Variants in ANO4 observed in about 807,000 individuals in gnomAD.
ANO4 encodes anoctamin 4.
Under a neutral mutation model 141.9 loss-of-function variants are expected in ANO4, and 69 were observed. That is an observed-to-expected ratio of 0.49 (90% confidence interval 0.40 to 0.59). The LOEUF (loss-of-function observed/expected upper bound fraction) is 0.59, where lower values mean the gene tolerates loss of function less well. ANO4 is among the 20% of genes least tolerant of loss of function. The pLI is 0.00. For synonymous variants in ANO4, 350 were observed against 394.3 expected (o/e 0.89, Z 1.33); for missense variants, 894 against 1,162.2 (o/e 0.77, Z 3.36).
chr12:100,845,056 A>C (rs75383435), intron 1 of ANO4, among the ~76,000 whole-genome samples: 1 of 152,192 alleles, frequency 6.6e-6, no homozygotes, highest in Non-Finnish European at 1.5e-5. Context: ...CACCATGTGA[A>C]GTTCTACTGG....
rs930303454 is a variant in ANO4 at position 101,079,106 on chromosome 12, G to T, written c.1313-87G>T. 3.7e-5 allele frequency: 42 copies of T among 1,127,546 alleles called. No homozygotes were observed. The African/African-American group carries it at 3.9e-4, about 10-fold the overall frequency. 69.8% of individuals were successfully genotyped at this position (1,127,546 alleles called of 1,614,324 possible). A position where few individuals can be genotyped will look rare whatever the true frequency, so the allele number is the denominator to read the frequency against. On this transcript the variant is annotated intron_variant, in intron 14 of 27. Transcript: ENST00000392977. ...CTTACACTAACAACTGTCATTCTTG[G>T]CAATGGCTTCATTATTCAGTGACAC... is the stretch of plus-strand genomic sequence containing the variant.
intron 1 of ANO4, among the ~76,000 whole-genome samples, chr12:100,844,322 C>A (rs2037446717): frequency 6.6e-6 from 1 of 151,942 alleles, no homozygotes; most frequent in Non-Finnish European, 1.5e-5. Flanking sequence ...TATATTCTAT[C>A]CAGTGTGGAT....
intron 17 of ANO4, among the ~76,000 whole-genome samples, chr12:101,094,008 A>G (rs2049881091): frequency 6.6e-6 from 1 of 152,132 alleles, no homozygotes; most frequent in Non-Finnish European, 1.5e-5. Context: ...CCAAAATAAG[A>G]AGTGAGATTT....
intron 1 of ANO4, among the ~76,000 whole-genome samples, chr12:100,887,964 G>A (rs558667002): frequency 1.2e-4 from 18 of 152,200 alleles, no homozygotes; most frequent in South Asian, 4.2e-4. Context: ...TGAGGTGACC[G>A]GAAATAAATA....
chr12:100,925,476 T>C (rs915139787), intron 3 of ANO4, among the ~76,000 whole-genome samples: 3 of 149,834 alleles, frequency 2.0e-5, no homozygotes, highest in African/African-American at 7.3e-5. Flanking sequence ...TGGTTTCCAG[T>C]GTCATCCATG....
chr12:101,122,910 A>G (rs2137066748), intron 26 of ANO4, among the ~76,000 whole-genome samples: 1 of 152,328 alleles, frequency 6.6e-6, no homozygotes, highest in Non-Finnish European at 1.5e-5. Flanking sequence ...TAAGACTCAA[A>G]ATGGAATTAT....
intron 7 of ANO4, among the ~76,000 whole-genome samples, chr12:100,984,539 T>C (rs1347708501): frequency 2.0e-5 from 3 of 152,212 alleles, no homozygotes; most frequent in African/African-American, 7.2e-5. Flanking sequence ...ATACTCACCA[T>C]GTTTTATGAG....
intron 9 of ANO4, among the ~76,000 whole-genome samples, chr12:101,033,550 C>T (rs1349440355): frequency 6.6e-6 from 1 of 151,934 alleles, no homozygotes; most frequent in African/African-American, 2.4e-5. Context: ...AGAAGAAAAC[C>T]TAGGCAATAC....
chr12:100,908,289 C>T (rs543179573), intron 2 of ANO4, among the ~76,000 whole-genome samples: 19 of 152,262 alleles, frequency 1.2e-4, no homozygotes, highest in South Asian at 8.3e-4. Flanking sequence ...GCGGAGGTTG[C>T]GGTGTGCCAA....
rs779092567 is a variant in ANO4, at chr12:100,939,326, G to A, written c.172G>A (p.Val58Ile). 6.2e-7 allele frequency: 1 copy of A among 1,613,264 alleles called. No individual in the cohort carries two copies. Among genetic ancestry groups the A allele is most frequent in the African/African-American group, 1.3e-5 (1 of 75,020 alleles). Residue 58 changes from valine to isoleucine, a missense_variant, in exon 4 of 28, where the codon GTC becomes ATC. Val to Ile is a conservative substitution (Grantham distance 29). This residue lies in a region of ANO4 where 257 missense variants were observed against 253.0 expected (regional missense o/e 1.02). Coordinates refer to ENST00000392977, the MANE Select transcript of ANO4 (RefSeq NM_001286615.2). ...TACTTTGGTTCTAGTGGCCAAGGAT[G>A]TCAATATTCTTTTTGATGAATTAGA... ...LNAIQEMAKD[V>I]NILFDELEAV...
Position 101,070,673 on chromosome 12 carries a change from G to A in ANO4, c.1313-8520G>A, listed in dbSNP as rs537158513. On this transcript the variant is annotated intron_variant, in intron 14 of 27. Coordinates refer to ENST00000392977, the MANE Select transcript of ANO4 (RefSeq NM_001286615.2). ...AGCAAAAATGGACAAATGGGATCAC[G>A]TCAAGTTAAAAATCTTCTACACAGC... is the stretch of plus-strand genomic sequence containing the variant. Among the ~76,000 whole-genome samples, 3 of 152,114 alleles carry A rather than the reference G, an allele frequency of 2.0e-5. No individual in the cohort carries two copies. In the East Asian group the frequency reaches 5.8e-4, roughly 29 times the overall value.
intron 2 of ANO4, 107 bp downstream of exon 2, chr12:100,901,947 TTTTGTTAG>T: frequency 8.9e-7 from 1 of 1,129,142 alleles, no homozygotes; most frequent in East Asian, 2.5e-5. Context: ...CTAAGCTTGC[TTTTGTTAG>T]GAGTCTTGTT....
intron 24 of ANO4, among the ~76,000 whole-genome samples, chr12:101,115,381 AGG>A (rs2050813631): frequency 6.6e-6 from 1 of 152,098 alleles, no homozygotes; most frequent in South Asian, 2.1e-4. Flanking sequence ...TGAGCCTGGG[AGG>A]TCAAAGCTGC....
At chr12:100,913,145 A>T (rs1265954490) in intron 2 of ANO4, among the ~76,000 whole-genome samples, 2 of 152,112 alleles carry the variant, frequency 1.3e-5, no homozygotes, top group Non-Finnish European at 2.9e-5. Context: ...TTTTCATTTT[A>T]CTGAGGGACA....
intron 3 of ANO4, among the ~76,000 whole-genome samples, chr12:100,784,610 A>T (rs1593324795): frequency 6.6e-6 from 1 of 152,238 alleles, no homozygotes; most frequent in Non-Finnish European, 1.5e-5. Context: ...TCCTCTGCTA[A>T]CATAGTTCCT....
chr12:100,745,861 G>A (rs61555716), intron 3 of ANO4, among the ~76,000 whole-genome samples: 28,952 of 152,190 alleles, frequency 0.19, 3,203 homozygotes, highest in Non-Finnish European at 0.25. Context: ...ATATGTAAAT[G>A]TATGGTGAGT....
chr12:101,056,937 C>T (rs7975903), intron 14 of ANO4, among the ~76,000 whole-genome samples: 3 of 140,130 alleles, frequency 2.1e-5, no homozygotes, highest in Non-Finnish European at 4.6e-5. Context: ...CATGTGCCAT[C>T]GTGGTTTGCT....
At chr12:101,089,304 A>C (rs1395755018) in intron 17 of ANO4, among the ~76,000 whole-genome samples, 1 of 152,192 alleles carries the variant, frequency 6.6e-6, no homozygotes, top group Non-Finnish European at 1.5e-5. Context: ...TTAGTATTAA[A>C]ATACATAAAA....
chr12:101,020,091 G>T lies in ANO4; in HGVS notation c.792G>T (p.Val264=), dbSNP rs145580165. The T allele has an allele frequency of 1.9e-6, 3 of 1,613,576 alleles. No individual in the cohort carries two copies. The highest frequency in any genetic ancestry group is 2.5e-6 in the Non-Finnish European group (3 of 1,179,650). The change falls in exon 9 of 28, where the codon GTG becomes GTT. Residue 264 remains valine (V), a synonymous_variant. Transcript: ENST00000392977. The part of the protein sequence containing the change: ...FFNNATRSRI[V]HHILQRIKYE... ...ACAATGCCACAAGAAGTAGAATCGT[G>T]CATCACATTTTACAAAGAATAAAAT...
Sources: allele counts gnomAD v4.1 joint callset (sites outside exome capture counted in the v4.1 genomes callset), GRCh38; gene constraint gnomAD v4.1.1; regional missense constraint gnomAD v4.1.1; transcripts MANE v1.5; gene names NCBI Gene and HGNC (gene_info 2026-07-23, HGNC 2026-07-21).